IMMP2L: variants seen among roughly 807,000 people sequenced by gnomAD.
IMMP2L encodes the protein inner mitochondrial membrane peptidase subunit 2.
Under a neutral mutation model 19.3 loss-of-function variants are expected in IMMP2L, and 18 were observed. The ratio of observed to expected loss-of-function variants is 0.93; its 90% CI spans 0.64 to 1.38. The LOEUF (loss-of-function observed/expected upper bound fraction) is 1.38, where lower values mean the gene tolerates loss of function less well. Among genes scored for constraint, IMMP2L ranks in the 40% most tolerant of loss-of-function variants. The probability of loss-of-function intolerance (pLI) is 0.00; values close to 1 mark genes in which losing one functional copy is unlikely to be tolerated. For missense variants in IMMP2L, 233 were observed against 218.2 expected (o/e 1.07, Z -0.43); for synonymous variants, 76 against 73.0 (o/e 1.04, Z -0.21).
chr7:110,964,023 G>A (rs1394240723), intron 3 of IMMP2L, among the ~76,000 whole-genome samples: 6 of 148,646 alleles, frequency 4.0e-5, no homozygotes, highest in African/African-American at 7.5e-5. Context: ...TTGTTCTCAC[G>A]AGATTTTATG....
At chr7:111,389,403 T>C (rs776750568) in intron 3 of IMMP2L, among the ~76,000 whole-genome samples, 8 of 152,090 alleles carry the variant, frequency 5.3e-5, no homozygotes, top group Non-Finnish European at 1.2e-4. Flanking sequence ...GACGGTAATA[T>C]TGTATCAATA....
intron 4 of IMMP2L, among the ~76,000 whole-genome samples, chr7:110,907,463 T>G (rs1454113812): frequency 1.3e-5 from 2 of 152,080 alleles, no homozygotes; most frequent in South Asian, 2.1e-4. Context: ...TCTCCTCCTC[T>G]CTACTGGCTG....
intron 5 of IMMP2L, among the ~76,000 whole-genome samples, chr7:110,715,338 G>A (rs1795169298): frequency 6.6e-6 from 1 of 151,874 alleles, no homozygotes; most frequent in African/African-American, 2.4e-5. Context: ...TATTTTTCTA[G>A]TTCCTGTAGG....
At chr7:111,051,577 T>G (rs1392303641) in intron 3 of IMMP2L, among the ~76,000 whole-genome samples, 1 of 152,188 alleles carries the variant, frequency 6.6e-6, no homozygotes, top group South Asian at 2.1e-4. Flanking sequence ...TAGCTCAAGC[T>G]TTCGTATTTG....
At chr7:110,677,954 T>C (rs936399459) in intron 5 of IMMP2L, among the ~76,000 whole-genome samples, 1 of 152,096 alleles carries the variant, frequency 6.6e-6, no homozygotes, top group Non-Finnish European at 1.5e-5. Flanking sequence ...CTAGCAGTAG[T>C]GATAGTTCTG....
At chr7:111,508,888 TGG>T (rs1019080701) in intron 2 of IMMP2L, among the ~76,000 whole-genome samples, 2 of 152,156 alleles carry the variant, frequency 1.3e-5, no homozygotes, top group African/African-American at 4.8e-5. Flanking sequence ...GGGGTTTCAC[TGG>T]GGACCCACCC....
chr7:110,703,446 A>C (rs1794428216), intron 5 of IMMP2L, among the ~76,000 whole-genome samples: 1 of 152,094 alleles, frequency 6.6e-6, no homozygotes, highest in Admixed American at 6.6e-5. Flanking sequence ...TTCTTGGCTT[A>C]TCAAATGAGT....
At chr7:111,053,768 A>T (rs1793229169) in intron 3 of IMMP2L, among the ~76,000 whole-genome samples, 1 of 152,206 alleles carries the variant, frequency 6.6e-6, no homozygotes, top group African/African-American at 2.4e-5. Flanking sequence ...TCAGTGCCAA[A>T]TGCACCAAAT....
At chr7:111,343,691 T>C (rs1191119506) in intron 3 of IMMP2L, among the ~76,000 whole-genome samples, 1 of 151,682 alleles carries the variant, frequency 6.6e-6, no homozygotes, top group African/African-American at 2.4e-5. Context: ...GCCAGCCCCA[T>C]GCTGAGTCCT....
At chr7:111,328,238 G>C (rs1825522552) in intron 3 of IMMP2L, among the ~76,000 whole-genome samples, 1 of 151,670 alleles carries the variant, frequency 6.6e-6, no homozygotes, top group African/African-American at 2.4e-5. Flanking sequence ...TTTCCACCCA[G>C]TGGCAGGTTA....
chr7:110,826,621 G>T (rs745575872), intron 5 of IMMP2L, among the ~76,000 whole-genome samples: 11 of 152,052 alleles, frequency 7.2e-5, no homozygotes, highest in Non-Finnish European at 1.5e-4. Context: ...CTCACTCATA[G>T]GTGGGAACTG....
At chr7:111,441,384 C>A (rs1436258248) in intron 3 of IMMP2L, among the ~76,000 whole-genome samples, 1 of 151,634 alleles carries the variant, frequency 6.6e-6, no homozygotes, top group Non-Finnish European at 1.5e-5. Context: ...GGCCGAATTT[C>A]AATATTGTTG....
chr7:111,090,196 G>A (rs535447801), intron 3 of IMMP2L, among the ~76,000 whole-genome samples: 2 of 152,114 alleles, frequency 1.3e-5, no homozygotes, highest in Admixed American at 1.3e-4. Context: ...AATATGCACT[G>A]CTATGTGTTT....
At chr7:111,287,438 C>T (rs1220274301) in intron 3 of IMMP2L, among the ~76,000 whole-genome samples, 1 of 151,892 alleles carries the variant, frequency 6.6e-6, no homozygotes, top group Non-Finnish European at 1.5e-5. Context: ...GTATTAAACA[C>T]CATAACTGAT....
intron 5 of IMMP2L, among the ~76,000 whole-genome samples, chr7:110,861,122 AG>A (rs1807369338): frequency 3.4e-5 from 5 of 146,548 alleles, no homozygotes; most frequent in Admixed American, 2.0e-4. Context: ...AGAGAGAGAG[AG>A]AGAGAGACAG....
chr7:111,482,176 T>G (rs769485093), intron 3 of IMMP2L, among the ~76,000 whole-genome samples: 35 of 152,220 alleles, frequency 2.3e-4, no homozygotes, highest in Non-Finnish European at 4.1e-4. Context: ...GCTTGCTATA[T>G]TAGACAGTAC....
chr7:111,421,397 G>C (rs1835530310), intron 3 of IMMP2L, among the ~76,000 whole-genome samples: 1 of 150,170 alleles, frequency 6.7e-6, no homozygotes, highest in South Asian at 2.1e-4. Flanking sequence ...AGCCTCCCGA[G>C]TAGCTGGGAC....
chr7:111,125,473 C>G (rs1049255736), intron 3 of IMMP2L: 1 of 166,886 alleles, frequency 6.0e-6, no homozygotes, highest in Non-Finnish European at 1.5e-5. Flanking sequence ...GATCAGATAT[C>G]ATTTAAATGA....
intron 3 of IMMP2L, among the ~76,000 whole-genome samples, chr7:111,170,324 T>C (rs1249241076): frequency 6.6e-6 from 1 of 151,796 alleles, no homozygotes; most frequent in Non-Finnish European, 1.5e-5. Context: ...AACAGGTAGA[T>C]TGGCAAAAAG....
Sources: allele counts gnomAD v4.1 joint callset (sites outside exome capture counted in the v4.1 genomes callset), GRCh38; gene constraint gnomAD v4.1.1; transcripts MANE v1.5; gene names NCBI Gene and HGNC (gene_info 2026-07-23, HGNC 2026-07-21).